Variants in KCNG2 observed in about 807,000 individuals in gnomAD.
The protein encoded by KCNG2 is potassium voltage-gated channel modifier subfamily G member 2.
KCNG2 carries 7 observed loss-of-function variants against 12.3 expected under a neutral mutation model. The observed-to-expected ratio is 0.57, with a 90% confidence interval of 0.32 to 1.07. KCNG2 has a LOEUF of 1.07. Ranked by LOEUF, KCNG2 falls within the 50% of genes least tolerant of loss-of-function variation. The probability of loss-of-function intolerance (pLI) is 0.04; values close to 1 mark genes in which losing one functional copy is unlikely to be tolerated. For synonymous variants in KCNG2, 414 were observed against 351.4 expected (o/e 1.18, Z -1.99); for missense variants, 703 against 726.0 (o/e 0.97, Z 0.36).
chr18:79,893,156 T>A (rs1419056914), intron 3 of KCNG2, among the ~76,000 whole-genome samples: 1 of 152,062 alleles, frequency 6.6e-6, no homozygotes, highest in African/African-American at 2.4e-5. Context: ...ACATCTAATG[T>A]TATGATTGAT....
intron 1 of KCNG2, among the ~76,000 whole-genome samples, chr18:79,826,173 G>A (rs1277309644): frequency 2.0e-5 from 3 of 152,134 alleles, no homozygotes; most frequent in South Asian, 2.1e-4. Flanking sequence ...AACCCGGGTA[G>A]TCGAGCTGAA....
intron 3 of KCNG2, among the ~76,000 whole-genome samples, chr18:79,879,587 T>C (rs1470315209): frequency 6.6e-6 from 1 of 152,024 alleles, no homozygotes; most frequent in Non-Finnish European, 1.5e-5. Context: ...GGAAAGAAGA[T>C]ACCACTCAAA....
intron 1 of KCNG2, among the ~76,000 whole-genome samples, chr18:79,813,024 G>A (rs1335158930): frequency 3.3e-5 from 5 of 151,894 alleles, no homozygotes; most frequent in East Asian, 1.9e-4. Context: ...GTGTGGTGGC[G>A]GGTGCCTGTA....
intron 3 of KCNG2, among the ~76,000 whole-genome samples, chr18:79,887,940 C>T (rs1210432874): frequency 6.6e-6 from 1 of 152,186 alleles, no homozygotes; most frequent in Non-Finnish European, 1.5e-5. Flanking sequence ...GAGTGGATGT[C>T]TGACGAGGCC....
chr18:79,872,883 G>A (rs1167161448), intron 3 of KCNG2, among the ~76,000 whole-genome samples: 1 of 152,216 alleles, frequency 6.6e-6, no homozygotes, highest in Admixed American at 6.5e-5. Flanking sequence ...TTTTGCAAAC[G>A]AGGGAAGCGA....
chr18:79,818,071 AG>A (rs1327149787), intron 1 of KCNG2, among the ~76,000 whole-genome samples: 1 of 152,230 alleles, frequency 6.6e-6, no homozygotes, highest in Non-Finnish European at 1.5e-5. Flanking sequence ...CCAAGGCCCT[AG>A]GCAGAACACA....
Position 79,822,583 on chromosome 18 carries a change from C to T in KCNG2, c.-115+24569C>T, listed in dbSNP as rs1479405912. On this transcript the variant is annotated intron_variant, in intron 1 of 3. Transcript: ENST00000316249. This position sits in a 1 kb window ranked among gnomAD's most constrained non-coding sequence, Gnocchi z 4.4. ...CCTCCCGAGTAGCTGGGGCCACAGG[C>T]GTGAGCCACCATGCCTGGCTAATTT... 5.3e-5 allele frequency among the ~76,000 whole-genome samples: 8 copies of T among 152,072 alleles called. No individual in the cohort carries two copies. Among genetic ancestry groups the T allele is most frequent in the Non-Finnish European group, 1.0e-4 (7 of 68,020 alleles).
At chr18:79,820,170 A>G (rs925480441) in intron 1 of KCNG2, among the ~76,000 whole-genome samples, 1 of 152,174 alleles carries the variant, frequency 6.6e-6, no homozygotes, top group Admixed American at 6.5e-5. Flanking sequence ...AATGGGACTG[A>G]TGCTGCTCTG....
At chr18:79,834,440 T>G (rs1221126454) in intron 1 of KCNG2, among the ~76,000 whole-genome samples, 2 of 152,248 alleles carry the variant, frequency 1.3e-5, no homozygotes, top group Non-Finnish European at 2.9e-5. Flanking sequence ...TCACCCACAC[T>G]TTGTTGGGGT....
intron 1 of KCNG2, among the ~76,000 whole-genome samples, chr18:79,851,792 TTG>T (rs1978833471): frequency 6.6e-6 from 1 of 151,600 alleles, no homozygotes. Flanking sequence ...TGAATGTGCA[TTG>T]TGTGAATGTG....
chr18:79,890,454 T>C (rs1298935622), intron 3 of KCNG2, among the ~76,000 whole-genome samples: 2 of 152,196 alleles, frequency 1.3e-5, no homozygotes, highest in African/African-American at 4.8e-5. Flanking sequence ...ACAGCACGTT[T>C]CCAGCCTTTG....
At chr18:79,869,227 C>T (rs1006344842) in intron 3 of KCNG2, among the ~76,000 whole-genome samples, 2 of 151,964 alleles carry the variant, frequency 1.3e-5, no homozygotes, top group Admixed American at 1.3e-4. Context: ...CGCTGAGTCT[C>T]CTGCCCCTGG....
intron 1 of KCNG2, among the ~76,000 whole-genome samples, chr18:79,839,718 A>G (rs921128454): frequency 1.3e-5 from 2 of 152,238 alleles, no homozygotes; most frequent in African/African-American, 4.8e-5. Flanking sequence ...AGGAGGGAAC[A>G]TTTTCTAAAA....
At chr18:79,858,938 G>C (rs1429983884) in intron 2 of KCNG2, among the ~76,000 whole-genome samples, 1 of 152,146 alleles carries the variant, frequency 6.6e-6, no homozygotes, top group Admixed American at 6.5e-5. Context: ...TTGTTGTTGA[G>C]CTCCAAGAGT....
intron 3 of KCNG2, among the ~76,000 whole-genome samples, chr18:79,887,625 C>T (rs977397859): frequency 7.9e-5 from 12 of 152,172 alleles, no homozygotes; most frequent in Non-Finnish European, 1.2e-4. Context: ...GCTCACACAC[C>T]GTGGATGCCC....
At chr18:79,865,432 G>T (rs1209423788) in intron 3 of KCNG2, among the ~76,000 whole-genome samples, 7 of 135,958 alleles carry the variant, frequency 5.1e-5, no homozygotes, top group African/African-American at 2.2e-4. Context: ...TCTGGGTGCT[G>T]AGAGGTCTGG....
intron 1 of KCNG2, among the ~76,000 whole-genome samples, chr18:79,813,217 G>A (rs978457667): frequency 1.3e-5 from 2 of 152,120 alleles, no homozygotes; most frequent in African/African-American, 2.4e-5. Flanking sequence ...TATCTTTCAC[G>A]AATTCACATG....
At chr18:79,851,443 C>T (rs929748166) in intron 1 of KCNG2, among the ~76,000 whole-genome samples, 5 of 152,218 alleles carry the variant, frequency 3.3e-5, no homozygotes, top group African/African-American at 1.2e-4. Context: ...GCCTCACTTT[C>T]CAGCCCTCAG....
At chr18:79,860,864 G>A (rs1276535774) in intron 2 of KCNG2, among the ~76,000 whole-genome samples, 1 of 152,160 alleles carries the variant, frequency 6.6e-6, no homozygotes, top group Admixed American at 6.5e-5. Flanking sequence ...TAGAACTGAT[G>A]AGAGCAGGTA....
Sources: allele counts gnomAD v4.1 joint callset (sites outside exome capture counted in the v4.1 genomes callset), GRCh38; gene constraint gnomAD v4.1.1; non-coding constraint Gnocchi (gnomAD v3.1); transcripts MANE v1.5; gene names NCBI Gene and HGNC (gene_info 2026-07-23, HGNC 2026-07-21).